Variants in KIAA0753 observed in about 807,000 individuals in gnomAD.
KIAA0753 encodes the protein protein moonraker.
Under a neutral mutation model 116.9 loss-of-function variants are expected in KIAA0753, and 114 were observed. That is an observed-to-expected ratio of 0.98 (90% CI 0.84 to 1.14). The LOEUF is 1.14. Among genes scored for constraint, KIAA0753 ranks in the 50% most tolerant of loss-of-function variants. The probability of loss-of-function intolerance (pLI) is 0.00; values close to 1 mark genes in which losing one functional copy is unlikely to be tolerated. For missense variants in KIAA0753, 1,156 were observed against 1,172.4 expected, an observed-to-expected ratio of 0.99 and a Z score of 0.20; for synonymous variants, 405 against 413.1, an observed-to-expected ratio of 0.98 and a Z score of 0.24.
intron 15 of KIAA0753, among the ~76,000 whole-genome samples, chr17:6,595,650 G>C (rs886847858): frequency 2.0e-5 from 3 of 152,246 alleles, no homozygotes; most frequent in Non-Finnish European, 4.4e-5. Flanking sequence ...CCTTGGCCAT[G>C]TCACTTACTT....
intron 5 of KIAA0753, among the ~76,000 whole-genome samples, 192 bp from the exon 6 acceptor site, chr17:6,623,289 T>C (rs1402215705): frequency 6.6e-6 from 1 of 152,214 alleles, no homozygotes; most frequent in Admixed American, 6.5e-5. Flanking sequence ...CTACTTCCAA[T>C]TTTTTATACC....
intron 2 of KIAA0753, chr17:6,634,730 T>C: frequency 7.9e-6 from 2 of 251,824 alleles, no homozygotes; most frequent in Non-Finnish European, 1.6e-5. Flanking sequence ...GTCCATTTCT[T>C]ATAAGAAATG....
intron 12 of KIAA0753, 31 bp from the exon 13 acceptor site, chr17:6,600,489 C>A: frequency 1.3e-6 from 2 of 1,539,306 alleles, no homozygotes; most frequent in South Asian, 1.1e-5. Flanking sequence ...AAATTAAAAT[C>A]AAAGGCAATA....
chr17:6,638,829 A>G (rs1972490563), intron 1 of KIAA0753: 1 of 151,958 alleles, frequency 6.6e-6, no homozygotes. Context: ...GGACACTCAC[A>G]CAGCCCGTGT....
At chr17:6,606,698 C>T (rs1970214926) in intron 12 of KIAA0753, among the ~76,000 whole-genome samples, 175 bp downstream of exon 12, 1 of 152,068 alleles carries the variant, frequency 6.6e-6, no homozygotes, top group South Asian at 2.1e-4. Context: ...AAACTCCACA[C>T]AAAAGAAGCA....
chr17:6,630,564 G>A (rs1971963620), intron 2 of KIAA0753, among the ~76,000 whole-genome samples: 1 of 152,082 alleles, frequency 6.6e-6, no homozygotes, highest in Non-Finnish European at 1.5e-5. Context: ...TTTTGACCCA[G>A]GAGTCTCACT....
At chr17:6,631,679 T>G (rs1342896779) in intron 2 of KIAA0753, among the ~76,000 whole-genome samples, 1 of 152,210 alleles carries the variant, frequency 6.6e-6, no homozygotes, top group African/African-American at 2.4e-5. Context: ...TGTACATGTA[T>G]GTATATGCAC....
intron 2 of KIAA0753, among the ~76,000 whole-genome samples, chr17:6,630,125 AATAATAATAATT>A (rs1214658217): frequency 6.6e-6 from 1 of 151,582 alleles, no homozygotes; most frequent in African/African-American, 2.4e-5. Flanking sequence ...CTGTCTAAAT[AATAATAATAATT>A]ATAATAATAA....
At position 6,600,471 on chromosome 17, in the gene KIAA0753, A is replaced by G. The variant is rs1338367723; in HGVS notation, c.2010-13T>C. The G allele has an allele frequency of 6.3e-7, 1 of 1,595,412 alleles. No individual in the cohort carries two copies. The highest frequency in any genetic ancestry group is 8.6e-7 in the Non-Finnish European group (1 of 1,163,646). ...GGTGGCAGAAACACTATTTAGAAAT[A>G]AAATTGAAAATTAAAATCAAAGGCA... On this transcript the variant is annotated splice_polypyrimidine_tract_variant and intron_variant, in intron 12 of 18. Transcript: ENST00000361413.
At chr17:6,591,319 T>C (rs1005964870) in intron 16 of KIAA0753, among the ~76,000 whole-genome samples, 1 of 152,242 alleles carries the variant, frequency 6.6e-6, no homozygotes, top group Non-Finnish European at 1.5e-5. Flanking sequence ...AGCATCTATA[T>C]GTCAAGCGAC....
intron 2 of KIAA0753, 72 bp from the exon 3 acceptor site, chr17:6,628,813 T>A (rs1971849359): frequency 1.4e-6 from 2 of 1,464,492 alleles, no homozygotes; most frequent in South Asian, 1.4e-5. Context: ...ATGTCTATAA[T>A]CAAATTTCTA....
At chr17:6,624,223 C>T (rs1048318478) in intron 4 of KIAA0753, among the ~76,000 whole-genome samples, 3 of 152,204 alleles carry the variant, frequency 2.0e-5, no homozygotes, top group Non-Finnish European at 2.9e-5. Flanking sequence ...CCTGTGTATC[C>T]GCTACTAAAG....
At chr17:6,618,955 G>A (rs951497020) in intron 7 of KIAA0753, among the ~76,000 whole-genome samples, 7 of 152,086 alleles carry the variant, frequency 4.6e-5, no homozygotes, top group South Asian at 2.1e-4. Flanking sequence ...TAGGCCAGGC[G>A]CTGTGGCTCA....
At position 6,592,567 on chromosome 17, in the gene KIAA0753, CAA is replaced by C. The variant is rs1394917675; in HGVS notation, c.2441-1939_2441-1938del. Among the ~76,000 whole-genome samples, 4 of 152,198 alleles carry C rather than the reference CAA, an allele frequency of 2.6e-5. No homozygotes were observed. The East Asian group carries it at 5.8e-4, about 22-fold the overall frequency. Reference sequence around the variant, plus strand: ...CATTTTGAAAAGTGGAGGAGAAAATCAAAAGTCTTTTCAGTAAATGGAACTAG... The same window carrying C: ...CATTTTGAAAAGTGGAGGAGAAAATCAAGTCTTTTCAGTAAATGGAACTAG... On this transcript the variant is annotated intron_variant, in intron 16 of 18. Coordinates refer to ENST00000361413, the MANE Select transcript of KIAA0753 (RefSeq NM_014804.3).
Position 6,635,145 on chromosome 17 carries a change from C to T in KIAA0753, c.-42G>A, listed in dbSNP as rs756389622. The T allele has an allele frequency of 1.7e-5, 23 of 1,390,162 alleles. No individual in the cohort carries two copies. The highest frequency in any genetic ancestry group is 3.4e-5 in the Admixed American group (2 of 59,190). The allele number at this position is 1,390,162 out of a possible 1,614,324, so 86.1% of individuals were successfully genotyped here. ...GAACAATAGTGACAGCCTTGTCATCCGGCAACAGTCTTCCCTAAAACCATT... is the reference window on the plus strand; with the variant it reads ...GAACAATAGTGACAGCCTTGTCATCTGGCAACAGTCTTCCCTAAAACCATT... On this transcript the variant is annotated 5_prime_UTR_variant, in exon 2 of 19. Transcript: ENST00000361413.
rs1967979929 is a variant in KIAA0753, at chr17:6,579,423, A to AT, written c.*323dup. 4.6e-6 allele frequency: 1 copy of AT among 219,326 alleles called. No individual in the cohort carries two copies. The highest frequency in any genetic ancestry group is 5.4e-5 in the Admixed American group (1 of 18,400). The allele number at this position is 219,326 out of a possible 1,614,324, so 13.6% of individuals were successfully genotyped here. On this transcript the variant is annotated 3_prime_UTR_variant, in exon 19 of 19. Coordinates refer to ENST00000361413, the MANE Select transcript of KIAA0753 (RefSeq NM_014804.3). Reference sequence around the variant, plus strand: ...ATACGTATCGATTATCTTTCAAAACATTTTCATCACCAAACTGAGCCAGAG... The same window carrying AT: ...ATACGTATCGATTATCTTTCAAAACATTTTTCATCACCAAACTGAGCCAGAG...
intron 1 of KIAA0753, chr17:6,636,098 T>C (rs1276213925): frequency 6.6e-6 from 1 of 152,212 alleles, no homozygotes; most frequent in African/African-American, 2.4e-5. Context: ...AATCCTACAG[T>C]AAATCAATTG....
intron 18 of KIAA0753, among the ~76,000 whole-genome samples, chr17:6,582,613 T>C (rs1459467636): frequency 6.6e-6 from 1 of 152,262 alleles, no homozygotes; most frequent in African/African-American, 2.4e-5. Context: ...GTTATTCTGA[T>C]TTGAGTTTAT....
Position 6,610,011 on chromosome 17 carries a change from T to A in KIAA0753, c.1695A>T (p.Pro565=). The A allele has an allele frequency of 6.2e-7, 1 of 1,613,890 alleles. No homozygotes were observed. Among genetic ancestry groups the A allele is most frequent in the Non-Finnish European group, 8.5e-7 (1 of 1,179,874 alleles). ...TCACATACCATTTAGGAGACGCTGGTGGGGATGTGGGGTTTGGGGGTATCC... is the reference window on the plus strand; with the variant it reads ...TCACATACCATTTAGGAGACGCTGGAGGGGATGTGGGGTTTGGGGGTATCC... ...APWIPPNPTS[P]PASPKCAAWL... is the part of the protein sequence containing the mutation. Residue 565 remains proline (P), a synonymous_variant, in exon 9 of 19, where the codon CCA becomes CCT. Coordinates refer to ENST00000361413, the MANE Select transcript of KIAA0753 (RefSeq NM_014804.3).
Sources: allele counts gnomAD v4.1 joint callset (sites outside exome capture counted in the v4.1 genomes callset), GRCh38; gene constraint gnomAD v4.1.1; transcripts MANE v1.5; gene names NCBI Gene and HGNC (gene_info 2026-07-23, HGNC 2026-07-21).